The following PALM2AKAP2 variants were observed in gnomAD, a reference collection of about 807,000 sequenced individuals.
PALM2AKAP2 encodes the protein PALM2 and AKAP2 fusion.
In PALM2AKAP2, 37 loss-of-function variants were observed where a neutral mutation model predicts 71.5. The ratio of observed to expected loss-of-function variants is 0.52; its 90% CI spans 0.40 to 0.68. The LOEUF (loss-of-function observed/expected upper bound fraction) is 0.68. Among genes scored for constraint, PALM2AKAP2 ranks in the 30% least tolerant of loss-of-function variants. The pLI is 0.00. For missense variants in PALM2AKAP2, 1,224 were observed against 1,191.8 expected (o/e 1.03, Z -0.40); for synonymous variants, 468 against 478.8 (o/e 0.98, Z 0.29).
intron 1 of PALM2AKAP2, among the ~76,000 whole-genome samples, chr9:109,796,523 G>T (rs1827257550): frequency 6.6e-6 from 1 of 152,172 alleles, no homozygotes; most frequent in South Asian, 2.1e-4. Context: ...TAAAGTCATG[G>T]TATATTAGTC....
intron 1 of PALM2AKAP2, among the ~76,000 whole-genome samples, chr9:110,102,606 C>T (rs980909302): frequency 4.6e-5 from 7 of 152,136 alleles, no homozygotes; most frequent in South Asian, 2.1e-4. Flanking sequence ...CACTCCTCCC[C>T]TCCCCTCCCC....
chr9:109,867,267 G>A (rs977777535), intron 1 of PALM2AKAP2: 1 of 485,056 alleles, frequency 2.1e-6, no homozygotes. Context: ...CTGGCTGAGT[G>A]AGGAGAATTT....
chr9:109,796,612 C>A (rs1827260024), intron 1 of PALM2AKAP2, among the ~76,000 whole-genome samples: 1 of 152,144 alleles, frequency 6.6e-6, no homozygotes, highest in East Asian at 1.9e-4. Flanking sequence ...ATTCACAGTT[C>A]TGCATGTCTG....
intron 1 of PALM2AKAP2, among the ~76,000 whole-genome samples, chr9:109,789,304 C>T (rs1169043409): frequency 6.6e-6 from 1 of 152,226 alleles, no homozygotes; most frequent in Admixed American, 6.5e-5. Context: ...CTGGTGGCCC[C>T]TTCTCCAGCC....
chr9:109,857,555 CA>C (rs1829201062), intron 1 of PALM2AKAP2, among the ~76,000 whole-genome samples: 2 of 152,110 alleles, frequency 1.3e-5, no homozygotes, highest in Non-Finnish European at 2.9e-5. Flanking sequence ...TGGCTTTTGG[CA>C]GATAAATGTG....
chr9:110,011,033 A>G (rs952495525), intron 6 of PALM2AKAP2, among the ~76,000 whole-genome samples: 1 of 141,606 alleles, frequency 7.1e-6, no homozygotes, highest in African/African-American at 2.6e-5. Context: ...ATATATATAT[A>G]TATACTTTTG....
chr9:110,126,923 A>G (rs1487321463), intron 1 of PALM2AKAP2, among the ~76,000 whole-genome samples: 1 of 152,098 alleles, frequency 6.6e-6, no homozygotes, highest in African/African-American at 2.4e-5. Flanking sequence ...GCTGGGGGAG[A>G]CTCCGTTCTA....
At chr9:109,728,883 T>A (rs79496657) in intron 1 of PALM2AKAP2, among the ~76,000 whole-genome samples, 6,492 of 152,298 alleles carry the variant, frequency 0.043, 191 homozygotes, top group Non-Finnish European at 0.053. Flanking sequence ...TAATTTACTG[T>A]GGCATTTTAC....
intron 1 of PALM2AKAP2, among the ~76,000 whole-genome samples, chr9:109,784,806 T>C (rs115167802): frequency 0.024 from 3,730 of 152,348 alleles, 162 homozygotes; most frequent in African/African-American, 0.085. Flanking sequence ...ACTTTTCCCA[T>C]GAGCACACTG....
intron 2 of PALM2AKAP2, among the ~76,000 whole-genome samples, chr9:110,142,108 G>C (rs532017973): frequency 1.7e-5 from 2 of 114,958 alleles, no homozygotes; most frequent in East Asian, 5.0e-4. Flanking sequence ...GTCTTGCTCT[G>C]TCTCCCAGGC....
At chr9:110,057,378 T>TCG (rs1564282884) in intron 1 of PALM2AKAP2, among the ~76,000 whole-genome samples, 1 of 131,708 alleles carries the variant, frequency 7.6e-6, no homozygotes, top group Non-Finnish European at 1.6e-5. Context: ...TTTTTTTTTT[T>TCG]TTGTTTTTTT....
At chr9:109,724,070 C>T (rs569084219) in intron 1 of PALM2AKAP2, among the ~76,000 whole-genome samples, 1 of 152,106 alleles carries the variant, frequency 6.6e-6, no homozygotes, top group South Asian at 2.1e-4. Flanking sequence ...TAAAGGGGCT[C>T]AATGTGAAGG....
chr9:109,947,065 G>A (rs905714623), intron 6 of PALM2AKAP2, among the ~76,000 whole-genome samples: 2 of 152,196 alleles, frequency 1.3e-5, no homozygotes. Flanking sequence ...TTGGTGATGG[G>A]GTGGAAGAGA....
Position 109,870,532 on chromosome 9 carries a change from A to G in PALM2AKAP2, c.126+2961A>G, listed in dbSNP as rs373622495. On this transcript the variant is annotated intron_variant, in intron 2 of 9. Transcript: ENST00000302798. ...CACGTGCCTGGTACTTTAAACACAT[A>G]CCCTCAATAATGACCACAAGACAGT... 2.6e-5 allele frequency among the ~76,000 whole-genome samples: 4 copies of G among 152,178 alleles called. No homozygotes were observed. The East Asian group carries it at 5.8e-4, about 22-fold the overall frequency.
chr9:109,792,344 C>T (rs1033843098), intron 1 of PALM2AKAP2, among the ~76,000 whole-genome samples: 2 of 152,200 alleles, frequency 1.3e-5, no homozygotes, highest in African/African-American at 4.8e-5. Flanking sequence ...TCAGGTTGGT[C>T]CTGAACTCTT....
At chr9:109,797,586 C>A (rs1392469029) in intron 1 of PALM2AKAP2, among the ~76,000 whole-genome samples, 1 of 152,212 alleles carries the variant, frequency 6.6e-6, no homozygotes, top group Non-Finnish European at 1.5e-5. Context: ...CCAGCAATCA[C>A]CCACCACATG....
intron 5 of PALM2AKAP2, 123 bp from the exon 6 acceptor site, chr9:109,931,804 C>T: frequency 9.6e-7 from 1 of 1,043,038 alleles, no homozygotes. Flanking sequence ...TTACCCTGAT[C>T]CTCCTGTTCA....
At chr9:109,870,739 A>T (rs1829582054) in intron 2 of PALM2AKAP2, among the ~76,000 whole-genome samples, 1 of 152,208 alleles carries the variant, frequency 6.6e-6, no homozygotes, top group Non-Finnish European at 1.5e-5. Context: ...TAATTCATTT[A>T]GTGAGATGCC....
intron 7 of PALM2AKAP2, among the ~76,000 whole-genome samples, chr9:110,020,140 GA>G (rs1024124371): frequency 1.1e-4 from 17 of 152,126 alleles, no homozygotes; most frequent in African/African-American, 4.1e-4. Context: ...AATAAAACCT[GA>G]TACACTGACA....
Sources: gnomAD v4.1 joint callset for allele counts (sites outside exome capture counted in the v4.1 genomes callset) on GRCh38, gnomAD v4.1.1 for gene constraint, MANE v1.5 for transcripts, NCBI Gene and HGNC (gene_info 2026-07-23, HGNC 2026-07-21) for gene names.